Variants in STRBP observed in about 807,000 individuals in gnomAD.
STRBP encodes spermatid perinuclear RNA binding protein.
STRBP carries 13 observed loss-of-function variants against 80.1 expected under a neutral mutation model. The ratio of observed to expected loss-of-function variants is 0.16; its 90% confidence interval spans 0.11 to 0.26. The LOEUF is 0.26. Among genes scored for constraint, STRBP ranks in the 10% least tolerant of loss-of-function variants. The pLI, the probability that STRBP is intolerant of heterozygous loss-of-function variation, is 1.00. For missense variants in STRBP, 485 were observed against 815.2 expected, an observed-to-expected ratio of 0.59 and a Z score of 4.93; for synonymous variants, 284 against 291.2, an observed-to-expected ratio of 0.98 and a Z score of 0.25.
At chr9:123,148,201 G>A (rs1194887307) in intron 11 of STRBP, among the ~76,000 whole-genome samples, 1 of 152,172 alleles carries the variant, frequency 6.6e-6, no homozygotes, top group Non-Finnish European at 1.5e-5. Flanking sequence ...GGGATTAGGT[G>A]GTGGGGAACC....
chr9:123,267,034 C>G (rs926283230), intron 1 of STRBP, among the ~76,000 whole-genome samples: 4 of 151,548 alleles, frequency 2.6e-5, no homozygotes, highest in Non-Finnish European at 4.4e-5. Context: ...CCTCCCCAAC[C>G]GCTCCACACT....
At position 123,125,369 on chromosome 9, in the gene STRBP, T is replaced by C; in HGVS notation, c.*228A>G. The C allele has an allele frequency of 8.2e-7, 1 of 1,215,870 alleles. No individual in the cohort carries two copies. Among genetic ancestry groups the C allele is most frequent in the South Asian group, 3.4e-5 (1 of 29,448 alleles). The allele number at this position is 1,215,870 out of a possible 1,614,324, so 75.3% of individuals were successfully genotyped here. ...CTAGAACAGAAGGGCTGGTATAAGT[T>C]ATTTTCCAGAAATGAGGTACCGTTT... On this transcript the variant is annotated 3_prime_UTR_variant, in exon 19 of 19. Coordinates refer to ENST00000348403, the MANE Select transcript of STRBP (RefSeq NM_018387.5).
chr9:123,173,317 G>C (rs182721704), intron 5 of STRBP, among the ~76,000 whole-genome samples: 1 of 152,312 alleles, frequency 6.6e-6, no homozygotes, highest in Non-Finnish European at 1.5e-5. Flanking sequence ...TTAGTCGCTA[G>C]AAAGTATCTA....
chr9:123,146,758 A>T, intron 13 of STRBP, 97 bp downstream of exon 13: 1 of 1,090,812 alleles, frequency 9.2e-7, no homozygotes, highest in Non-Finnish European at 1.3e-6. Context: ...TATTGCTATT[A>T]AAATGTTTTT....
At chr9:123,267,510 C>A (rs1288152271) in intron 1 of STRBP, among the ~76,000 whole-genome samples, 1 of 151,828 alleles carries the variant, frequency 6.6e-6, no homozygotes, top group Non-Finnish European at 1.5e-5. Flanking sequence ...CTCCCGCCTC[C>A]CTGCAGGCTC....
downstream of STRBP, among the ~76,000 whole-genome samples, chr9:123,119,674 G>A (rs2035698718): frequency 6.6e-6 from 1 of 152,156 alleles, no homozygotes; most frequent in South Asian, 2.1e-4. Flanking sequence ...TGTTGGCAGA[G>A]CCTTGCCCTC....
At chr9:123,238,514 G>C (rs535455724) in intron 1 of STRBP, among the ~76,000 whole-genome samples, 1 of 152,232 alleles carries the variant, frequency 6.6e-6, no homozygotes, top group Non-Finnish European at 1.5e-5. Flanking sequence ...CTAGGGTTTA[G>C]CTACTTACAA....
rs1031729123 is a variant in STRBP at position 123,126,706 on chromosome 9, C to T, written c.1943-1033G>A. On this transcript the variant is annotated intron_variant, in intron 18 of 18. Coordinates refer to ENST00000348403, the MANE Select transcript of STRBP (RefSeq NM_018387.5). The surrounding 1 kb of genome is among the most constrained non-coding windows in gnomAD (Gnocchi z 4.4). The stretch of plus-strand genomic sequence containing the variant: ...GAAGAATCTGAAACTTACTGTATGT[C>T]TAAAAGAAAGACACAGATTTAAATA... 8.5e-5 allele frequency among the ~76,000 whole-genome samples: 13 copies of T among 152,110 alleles called. No homozygotes were observed. Among genetic ancestry groups the T allele is most frequent in the Admixed American group, 5.9e-4 (9 of 15,274 alleles).
chr9:123,145,921 A>C (rs62578995), intron 13 of STRBP, among the ~76,000 whole-genome samples: 6,754 of 152,038 alleles, frequency 0.044, 224 homozygotes, highest in Middle Eastern at 0.068. Context: ...TCTGATCACT[A>C]TCTGATGTTT....
chr9:123,173,484 A>G (rs544167887), intron 5 of STRBP, among the ~76,000 whole-genome samples, 193 bp downstream of exon 5: 1 of 152,298 alleles, frequency 6.6e-6, no homozygotes, highest in South Asian at 2.1e-4. Context: ...TTTGGTAAAT[A>G]TATCCTGAGT....
At chr9:123,172,170 T>C (rs2038040365) in intron 5 of STRBP, among the ~76,000 whole-genome samples, 1 of 152,202 alleles carries the variant, frequency 6.6e-6, no homozygotes, top group Admixed American at 6.5e-5. Flanking sequence ...ATGAGGAATA[T>C]GATCATTCTC....
At chr9:123,174,299 G>A (rs2038128660) in intron 4 of STRBP, among the ~76,000 whole-genome samples, 1 of 152,188 alleles carries the variant, frequency 6.6e-6, no homozygotes, top group Admixed American at 6.5e-5. Context: ...TTAGCCAGGT[G>A]TAGTGGCATG....
intron 2 of STRBP, among the ~76,000 whole-genome samples, chr9:123,230,767 T>A (rs532026493): frequency 6.6e-6 from 1 of 152,346 alleles, no homozygotes; most frequent in East Asian, 1.9e-4. Flanking sequence ...ACAGGAAAGT[T>A]TCTGTTTTAA....
At chr9:123,196,132 G>A (rs1564288043) in intron 2 of STRBP, among the ~76,000 whole-genome samples, 1 of 152,128 alleles carries the variant, frequency 6.6e-6, no homozygotes. Context: ...GGAAAGGACA[G>A]GGTCTTCAAT....
At chr9:123,199,625 T>C (rs796347506) in intron 2 of STRBP, among the ~76,000 whole-genome samples, 4 of 152,346 alleles carry the variant, frequency 2.6e-5, no homozygotes, top group African/African-American at 9.6e-5. Context: ...CCTAGTTATT[T>C]TATTTTATTT....
rs2036503922 is a variant in STRBP, at chr9:123,139,573, T to C, written c.1453A>G (p.Asn485Asp). 1 of 1,612,824 alleles carries C rather than the reference T, an allele frequency of 6.2e-7. No homozygotes were observed. The highest frequency in any genetic ancestry group is 8.5e-7 in the Non-Finnish European group (1 of 1,179,774). ...TCAGTTGTAGAATTTCCAGTATTAT[T>C]GCTTGAGTTTGAAGACACTGTTTCA... Reference protein sequence around the residue: ...KNETVSSNSSNNTGNSTTETS... With the variant: ...KNETVSSNSSDNTGNSTTETS... Residue 485 changes from asparagine (N) to aspartate (D), a missense_variant, in exon 14 of 19, where the codon AAT becomes GAT. Transcript: ENST00000348403.
intron 17 of STRBP, 56 bp downstream of exon 17, chr9:123,132,789 A>G (rs1247314430): frequency 1.1e-5 from 18 of 1,602,592 alleles, no homozygotes; most frequent in Admixed American, 5.1e-5. Context: ...AGGAGATGCT[A>G]TTCTTTGAAT....
At chr9:123,220,881 G>A (rs1361533303) in intron 2 of STRBP, among the ~76,000 whole-genome samples, 1 of 152,094 alleles carries the variant, frequency 6.6e-6, no homozygotes, top group Non-Finnish European at 1.5e-5. Context: ...GAGCTAGTAC[G>A]CAGGATTGGA....
At position 123,122,440 on chromosome 9, in the gene STRBP, T is replaced by A. The variant is rs1564208037; in HGVS notation, c.*3157A>T. The stretch of plus-strand genomic sequence containing the variant: ...TGATTTTCAAACATTCACCCAAAAT[T>A]AAAAAAAAAAAAAAAAAGAAAAGGC... On this transcript the variant is annotated 3_prime_UTR_variant, in exon 19 of 19. Coordinates refer to ENST00000348403, the MANE Select transcript of STRBP (RefSeq NM_018387.5). 1.0e-4 allele frequency: 108 copies of A among 1,059,956 alleles called. No homozygotes were observed. The highest frequency in any genetic ancestry group is 5.3e-4 in the South Asian group (26 of 49,140). The allele number at this position is 1,059,956 out of a possible 1,614,324, so 65.7% of individuals were successfully genotyped here. A position where few individuals can be genotyped will look rare whatever the true frequency, so the allele number is the denominator to read the frequency against.
Sources: allele counts gnomAD v4.1 joint callset (sites outside exome capture counted in the v4.1 genomes callset), GRCh38; gene constraint gnomAD v4.1.1; non-coding constraint Gnocchi (gnomAD v3.1); transcripts MANE v1.5; gene names NCBI Gene and HGNC (gene_info 2026-07-23, HGNC 2026-07-21).